The following EYS variants were observed in gnomAD, a reference collection of about 807,000 sequenced individuals.
The protein encoded by EYS is EGF-like photoreceptor maintenance factor, also known as protein eyes shut homolog.
Under a neutral mutation model 282.1 loss-of-function variants are expected in EYS, and 250 were observed. That is an observed-to-expected ratio of 0.89 (90% CI 0.80 to 0.98). The LOEUF is 0.98. Among genes scored for constraint, EYS ranks in the 50% least tolerant of loss-of-function variants. EYS has a pLI of 0.00. For synonymous variants in EYS, 1,355 were observed against 1,282.9 expected, an observed-to-expected ratio of 1.06 and a Z score of -1.20; for missense variants, 4,016 against 3,709.0, an observed-to-expected ratio of 1.08 and a Z score of -2.15.
At chr6:65,516,334 A>T (rs1767133703) in intron 2 of EYS, among the ~76,000 whole-genome samples, 2 of 152,246 alleles carry the variant, frequency 1.3e-5, no homozygotes, top group East Asian at 3.9e-4. Context: ...GCCTGTGGCT[A>T]GACAAAGACC....
intron 31 of EYS, among the ~76,000 whole-genome samples, chr6:64,107,263 G>A (rs866354336): frequency 8.6e-6 from 1 of 116,766 alleles, no homozygotes; most frequent in African/African-American, 3.4e-5. Context: ...ATATATATGT[G>A]TGTGTGTGTA....
chr6:65,166,756 C>T (rs563153627), intron 12 of EYS, among the ~76,000 whole-genome samples: 45 of 150,908 alleles, frequency 3.0e-4, no homozygotes, highest in African/African-American at 1.1e-3. Flanking sequence ...TAAAGACAAC[C>T]CATAGAATGG....
chr6:65,270,622 C>T (rs1767872786), intron 12 of EYS, among the ~76,000 whole-genome samples: 1 of 152,088 alleles, frequency 6.6e-6, no homozygotes, highest in Non-Finnish European at 1.5e-5. Context: ...TCATTTATCT[C>T]ATCACACATT....
chr6:64,886,968 C>A, intron 18 of EYS, 126 bp from the exon 19 acceptor site: 2 of 663,724 alleles, frequency 3.0e-6, no homozygotes, highest in Non-Finnish European at 2.3e-6. Flanking sequence ...ATATGTATTT[C>A]ATTTTTTTCT....
At chr6:64,867,180 G>A (rs1766448268) in intron 19 of EYS, among the ~76,000 whole-genome samples, 1 of 151,578 alleles carries the variant, frequency 6.6e-6, no homozygotes, top group South Asian at 2.1e-4. Flanking sequence ...TCCAGCTTTA[G>A]ATGACCGATT....
Position 64,656,230 on chromosome 6 carries a change from CTAA to C in EYS, c.3444-29988_3444-29986del, listed in dbSNP as rs1387968342. Among the ~76,000 whole-genome samples the C allele has an allele frequency of 4.6e-5, 7 of 152,156 alleles. No individual in the cohort carries two copies. The East Asian group carries it at 1.4e-3, about 29-fold the overall frequency. ...ATGCTGCTATGTTTTACGATGGTGT[CTAA>C]TGAGAGATACAACTTTATTGAGTGG... On this transcript the variant is annotated intron_variant, in intron 22 of 42. Coordinates refer to ENST00000503581, the MANE Select transcript of EYS (RefSeq NM_001142800.2).
chr6:64,551,764 T>C (rs1210119430), intron 26 of EYS, among the ~76,000 whole-genome samples: 1 of 152,100 alleles, frequency 6.6e-6, no homozygotes, highest in Non-Finnish European at 1.5e-5. Context: ...TTTTCCTTTA[T>C]AGAAAAAATT....
At chr6:64,110,823 G>A (rs1179833453) in intron 31 of EYS, among the ~76,000 whole-genome samples, 4 of 151,846 alleles carry the variant, frequency 2.6e-5, no homozygotes, top group Non-Finnish European at 2.9e-5. Context: ...AGGAAGTATG[G>A]CATTAGAAAA....
chr6:63,864,723 A>G (rs1772630208), intron 35 of EYS, among the ~76,000 whole-genome samples: 1 of 152,328 alleles, frequency 6.6e-6, no homozygotes, highest in East Asian at 1.9e-4. Flanking sequence ...AGCAAAAAAC[A>G]TCTTAGACTC....
intron 14 of EYS, among the ~76,000 whole-genome samples, chr6:64,984,569 T>A (rs1176906041): frequency 6.6e-6 from 1 of 151,464 alleles, no homozygotes; most frequent in Non-Finnish European, 1.5e-5. Context: ...GTAATCAATT[T>A]TCGTGTACAA....
At chr6:65,292,823 GT>G (rs1768563411) in intron 12 of EYS, among the ~76,000 whole-genome samples, 2 of 151,682 alleles carry the variant, frequency 1.3e-5, no homozygotes, top group East Asian at 1.9e-4. Context: ...AATTTAAACA[GT>G]TTTGTGTTGC....
chr6:64,374,403 A>G (rs2150415895), intron 29 of EYS, among the ~76,000 whole-genome samples: 1 of 144,416 alleles, frequency 6.9e-6, no homozygotes, highest in Non-Finnish European at 1.5e-5. Flanking sequence ...TCAGTGTAGA[A>G]GGCTGGTGGG....
intron 26 of EYS, among the ~76,000 whole-genome samples, chr6:64,560,762 T>A (rs901191084): frequency 2.0e-5 from 3 of 152,136 alleles, no homozygotes; most frequent in South Asian, 4.1e-4. Flanking sequence ...GAGTGTCTGA[T>A]TTCTCCAAAC....
intron 31 of EYS, among the ~76,000 whole-genome samples, chr6:64,221,717 C>T (rs926125727): frequency 2.6e-5 from 4 of 152,012 alleles, no homozygotes; most frequent in East Asian, 1.9e-4. Context: ...TTCTGAGTAC[C>T]GTGATGAAAT....
intron 19 of EYS, among the ~76,000 whole-genome samples, chr6:64,878,468 A>G (rs1288669185): frequency 6.6e-6 from 1 of 152,176 alleles, no homozygotes; most frequent in East Asian, 1.9e-4. Context: ...TGGTGTAAAA[A>G]GATAAAGCTA....
At position 65,267,295 on chromosome 6, in the gene EYS, C is replaced by T. The variant is rs140777281; in HGVS notation, c.2023+28568G>A. 1.1e-4 allele frequency among the ~76,000 whole-genome samples: 17 copies of T among 151,924 alleles called. No homozygotes were observed. The East Asian group carries it at 2.9e-3, about 26-fold the overall frequency. ...TTTCAGATTTTCTAGACTGTAATAA[C>T]GTTCCACTGATATATAATAATTCTA... is the stretch of plus-strand genomic sequence containing the variant. On this transcript the variant is annotated intron_variant, in intron 12 of 42. Transcript: ENST00000503581.
At chr6:64,393,557 A>C (rs1417648042) in intron 28 of EYS, among the ~76,000 whole-genome samples, 2 of 152,142 alleles carry the variant, frequency 1.3e-5, no homozygotes, top group East Asian at 3.9e-4. Context: ...TAGATGCAGA[A>C]AAGGCCTTTG....
intron 2 of EYS, among the ~76,000 whole-genome samples, chr6:65,526,784 C>T (rs747829565): frequency 6.6e-5 from 10 of 151,732 alleles, no homozygotes; most frequent in Admixed American, 3.9e-4. Context: ...CCAGCCTGGG[C>T]GACAGAGCAA....
intron 21 of EYS, among the ~76,000 whole-genome samples, chr6:64,819,323 C>A (rs1219124341): frequency 2.0e-5 from 3 of 151,990 alleles, no homozygotes; most frequent in Non-Finnish European, 4.4e-5. Context: ...ATATAGAGTA[C>A]ACTTAATGTA....
Sources: allele counts gnomAD v4.1 joint callset (sites outside exome capture counted in the v4.1 genomes callset), GRCh38; gene constraint gnomAD v4.1.1; transcripts MANE v1.5; gene names NCBI Gene and HGNC (gene_info 2026-07-23, HGNC 2026-07-21).